Variants in CSMD1 observed in about 807,000 individuals in gnomAD.
CSMD1 encodes CUB and Sushi multiple domains 1.
In CSMD1, 213 loss-of-function variants were observed where a neutral mutation model predicts 417.5. The observed-to-expected ratio is 0.51, with a 90% CI of 0.46 to 0.57. The LOEUF (loss-of-function observed/expected upper bound fraction) is 0.57, where lower values mean the gene tolerates loss of function less well. Ranked by LOEUF, CSMD1 falls within the 20% of genes least tolerant of loss-of-function variation. The pLI is 0.00. For missense variants in CSMD1, 6,923 were observed against 4,529.7 expected, an observed-to-expected ratio of 1.53 and a Z score of -15.17; for synonymous variants, 2,862 against 1,736.8, an observed-to-expected ratio of 1.65 and a Z score of -16.11.
rs1047222468 is a variant in CSMD1, at chr8:4,451,759, T to A, written c.303-31694A>T. ...ACAACAAGGCATCGAATGATACAGA[T>A]AGAACCATCAGTAGTATTTGAGCAG... is the stretch of plus-strand genomic sequence containing the variant. On this transcript the variant is annotated intron_variant, in intron 2 of 69. Transcript: ENST00000635120. 4.2e-4 allele frequency among the ~76,000 whole-genome samples: 64 copies of A among 152,020 alleles called. 1 individual carries two copies.
chr8:3,332,613 G>T (rs924052241), intron 23 of CSMD1, among the ~76,000 whole-genome samples: 30 of 152,252 alleles, frequency 2.0e-4, no homozygotes, highest in Admixed American at 6.5e-4. Flanking sequence ...TGTAAGCAAT[G>T]AATTGTACAT....
intron 5 of CSMD1, among the ~76,000 whole-genome samples, chr8:3,819,997 C>T (rs17063164): frequency 0.011 from 1,637 of 152,246 alleles, 31 homozygotes; most frequent in African/African-American, 0.037. Context: ...ATCCCTTCAG[C>T]GTACTTTCCA....
At chr8:4,052,661 G>C (rs1011921863) in intron 3 of CSMD1, among the ~76,000 whole-genome samples, 1 of 152,116 alleles carries the variant, frequency 6.6e-6, no homozygotes, top group African/African-American at 2.4e-5. Flanking sequence ...AATTCTGATA[G>C]AAGGAATCAT....
At chr8:3,379,983 C>T (rs1333549895) in intron 18 of CSMD1, among the ~76,000 whole-genome samples, 1 of 151,944 alleles carries the variant, frequency 6.6e-6, no homozygotes, top group Non-Finnish European at 1.5e-5. Flanking sequence ...AAAAATTTTG[C>T]AATCTATCCA....
chr8:4,092,247 A>G (rs1035335936), intron 3 of CSMD1, among the ~76,000 whole-genome samples: 1 of 152,206 alleles, frequency 6.6e-6, no homozygotes, highest in African/African-American at 2.4e-5. Flanking sequence ...ACAAACAGGC[A>G]AAACCTCCAT....
chr8:4,510,997 T>C (rs1279851790), intron 2 of CSMD1, among the ~76,000 whole-genome samples: 3 of 152,036 alleles, frequency 2.0e-5, no homozygotes, highest in Admixed American at 2.0e-4. Flanking sequence ...AAGGAATGAT[T>C]CAAAGTGCCT....
chr8:4,851,980 A>G (rs1472288722), intron 1 of CSMD1, among the ~76,000 whole-genome samples: 1 of 152,144 alleles, frequency 6.6e-6, no homozygotes, highest in Non-Finnish European at 1.5e-5. Flanking sequence ...TTTTCCCTAT[A>G]GATTTAATCT....
chr8:3,357,158 C>T (rs982176930), intron 21 of CSMD1, among the ~76,000 whole-genome samples: 1 of 152,030 alleles, frequency 6.6e-6, no homozygotes, highest in Non-Finnish European at 1.5e-5. Flanking sequence ...AAGACAGCAC[C>T]CGAATGCACC....
intron 33 of CSMD1, 102 bp from the exon 34 acceptor site, chr8:3,190,217 G>T: frequency 1.3e-6 from 1 of 794,158 alleles, no homozygotes. Context: ...AGCTGATGCA[G>T]ACAGAGAATT....
chr8:4,367,520 C>T (rs184299405), intron 3 of CSMD1, among the ~76,000 whole-genome samples: 6 of 152,084 alleles, frequency 3.9e-5, no homozygotes, highest in Non-Finnish European at 5.9e-5. Flanking sequence ...TCCTTTTGCT[C>T]AGGACTGCTT....
chr8:3,836,131 T>C (rs1802684080), intron 5 of CSMD1, among the ~76,000 whole-genome samples: 1 of 152,150 alleles, frequency 6.6e-6, no homozygotes, highest in East Asian at 1.9e-4. Flanking sequence ...CTTTGAAAGG[T>C]GTGAAGTTAT....
chr8:4,014,519 A>C (rs1361823945), intron 4 of CSMD1, among the ~76,000 whole-genome samples: 2 of 152,160 alleles, frequency 1.3e-5, no homozygotes, highest in Admixed American at 6.5e-5. Context: ...CTTACTCTTC[A>C]AGGACTACTA....
At chr8:3,427,710 C>T (rs1047955842) in intron 12 of CSMD1, among the ~76,000 whole-genome samples, 18 of 151,928 alleles carry the variant, frequency 1.2e-4, no homozygotes, top group African/African-American at 4.4e-4. Flanking sequence ...TTTTCAAATT[C>T]CATGGAAATG....
intron 7 of CSMD1, among the ~76,000 whole-genome samples, chr8:3,651,566 C>G (rs1038372707): frequency 3.3e-5 from 5 of 152,108 alleles, no homozygotes; most frequent in Non-Finnish European, 7.3e-5. Context: ...TCTTGGCTGG[C>G]CACCACATCT....
chr8:4,923,269 G>A (rs766537807), intron 1 of CSMD1, among the ~76,000 whole-genome samples: 2 of 152,068 alleles, frequency 1.3e-5, no homozygotes, highest in African/African-American at 2.4e-5. Flanking sequence ...CTTCACACTT[G>A]ACTCACTCAT....
At position 3,160,275 on chromosome 8, in the gene CSMD1, G is replaced by A. The variant is rs183582112; in HGVS notation, c.5844+1884C>T. Among the ~76,000 whole-genome samples the A allele has an allele frequency of 2.3e-3, 348 of 152,108 alleles. 1 individual carries two copies. The highest frequency in any genetic ancestry group is 9.8e-3 in the South Asian group (47 of 4,802). On this transcript the variant is annotated intron_variant, in intron 38 of 69. Transcript: ENST00000635120. ...GTAACTGGGACTAAAGGAATGCGCC[G>A]CCATGCCCAGCTCATTTTTGTATTT...
At chr8:3,465,309 C>G (rs189633886) in intron 12 of CSMD1, among the ~76,000 whole-genome samples, 225 of 152,282 alleles carry the variant, frequency 1.5e-3, no homozygotes, top group African/African-American at 5.2e-3. Flanking sequence ...AGTAGACCCT[C>G]CAGGCATCTT....
chr8:3,219,113 G>T, intron 29 of CSMD1, 142 bp downstream of exon 29: 1 of 617,504 alleles, frequency 1.6e-6, no homozygotes, highest in Non-Finnish European at 2.7e-6. Flanking sequence ...AGAGGGAGGA[G>T]ACATGTATCT....
chr8:4,057,466 T>G (rs1798755500), intron 3 of CSMD1, among the ~76,000 whole-genome samples: 1 of 152,234 alleles, frequency 6.6e-6, no homozygotes, highest in Non-Finnish European at 1.5e-5. Flanking sequence ...GTGAAAATTT[T>G]CACCCATTTT....
Sources: allele counts gnomAD v4.1 joint callset (sites outside exome capture counted in the v4.1 genomes callset), GRCh38; gene constraint gnomAD v4.1.1; transcripts MANE v1.5; gene names NCBI Gene and HGNC (gene_info 2026-07-23, HGNC 2026-07-21).